NUP98: variants seen among roughly 807,000 people sequenced by gnomAD.
The protein encoded by NUP98 is nuclear pore complex protein Nup98-Nup96.
NUP98 carries 26 observed loss-of-function variants against 191.9 expected under a neutral mutation model. The ratio of observed to expected loss-of-function variants is 0.14; its 90% confidence interval spans 0.10 to 0.19. The LOEUF is 0.19. NUP98 is among the 10% of genes least tolerant of loss of function. The pLI is 1.00. For missense variants in NUP98, 1,941 were observed against 2,178.8 expected (o/e 0.89, Z 2.17); for synonymous variants, 808 against 778.4 (o/e 1.04, Z -0.63).
At chr11:3,773,569 T>A (rs2081604229) in intron 6 of NUP98, 63 bp downstream of exon 6, 2 of 1,062,330 alleles carry the variant, frequency 1.9e-6, no homozygotes, top group African/African-American at 1.6e-5. Context: ...AAACCATTTT[T>A]AAAAGCTGCA....
chr11:3,767,151 C>G (rs546280346), intron 8 of NUP98, among the ~76,000 whole-genome samples: 1 of 151,912 alleles, frequency 6.6e-6, no homozygotes, highest in Non-Finnish European at 1.5e-5. Context: ...TTGGTAGAGA[C>G]GGGGTTTCAC....
intron 31 of NUP98, among the ~76,000 whole-genome samples, chr11:3,678,341 G>C (rs541362424): frequency 6.6e-6 from 1 of 152,280 alleles, no homozygotes; most frequent in Admixed American, 6.5e-5. Flanking sequence ...GCCACAAATT[G>C]AATCTATAAG....
chr11:3,713,649 T>C (rs1325364697), intron 19 of NUP98, among the ~76,000 whole-genome samples, 169 bp downstream of exon 19: 2 of 152,086 alleles, frequency 1.3e-5, no homozygotes, highest in East Asian at 3.9e-4. Flanking sequence ...AGCCCAGGAA[T>C]TTGAGGCTGC....
chr11:3,684,025 T>C (rs926029847), intron 29 of NUP98, among the ~76,000 whole-genome samples: 1 of 148,392 alleles, frequency 6.7e-6, no homozygotes, highest in African/African-American at 2.5e-5. Context: ...CTGGCCAACA[T>C]GGTGAAACCC....
At chr11:3,734,058 G>A (rs1257511961) in intron 13 of NUP98, among the ~76,000 whole-genome samples, 2 of 148,392 alleles carry the variant, frequency 1.3e-5, no homozygotes, top group Non-Finnish European at 3.0e-5. Flanking sequence ...TTTTTGAGAC[G>A]AAGTTTCGCT....
chr11:3,685,924 G>A (rs1480258727), intron 29 of NUP98, 49 bp downstream of exon 29: 2 of 1,406,820 alleles, frequency 1.4e-6, no homozygotes, highest in South Asian at 1.2e-5. Context: ...CTTTGGAATT[G>A]CCCTGTAGTG....
intron 20 of NUP98, among the ~76,000 whole-genome samples, chr11:3,707,754 A>AAAAAAAAAAAAAAAAAAAAAAAAC (rs71041376): frequency 1.4e-5 from 2 of 146,814 alleles, no homozygotes; most frequent in African/African-American, 2.5e-5. Context: ...AAAAAAAAAA[A>AAAAAAAAAAAAAAAAAAAAAAAAC]TCCTGAAGGA....
In NUP98 at chr11:3,706,538, G is replaced by C. The variant is rs1167488875; in HGVS notation, c.2832C>G (p.Thr944=). The change falls in exon 21 of 33, where the codon ACC becomes ACG. Residue 944 remains threonine (T), a synonymous_variant. Coordinates refer to ENST00000324932, the MANE Select transcript of NUP98 (RefSeq NM_016320.5). The part of the protein sequence containing the change: ...VDITQEPVLD[T]MLEESMPEDQ... ...CCTCAGGCATGCTCTCTTCTAACAT[G>C]GTATCCAAAACTGGCTCCTGGGTGA... The C allele has an allele frequency of 2.5e-6, 4 of 1,614,080 alleles. No individual in the cohort carries two copies.
At chr11:3,722,212 A>G (rs1015047370) in intron 16 of NUP98, among the ~76,000 whole-genome samples, 2 of 150,714 alleles carry the variant, frequency 1.3e-5, no homozygotes, top group Non-Finnish European at 2.9e-5. Context: ...TCCTGGGTTC[A>G]AGTGATCCTC....
chr11:3,774,367 G>A (rs889366747), intron 5 of NUP98, among the ~76,000 whole-genome samples: 3 of 152,046 alleles, frequency 2.0e-5, no homozygotes, highest in African/African-American at 4.8e-5. Flanking sequence ...AGCCAAGACC[G>A]TGCCACTGCA....
intron 24 of NUP98, 80 bp downstream of exon 24, chr11:3,700,530 G>A (rs142587399): frequency 2.0e-6 from 2 of 985,142 alleles, no homozygotes; most frequent in Non-Finnish European, 3.0e-6. Flanking sequence ...ACTGGTGCCA[G>A]GAAATTCATC....
At chr11:3,796,876 T>C (rs1237995254) in intron 1 of NUP98, among the ~76,000 whole-genome samples, 3 of 152,292 alleles carry the variant, frequency 2.0e-5, no homozygotes, top group Middle Eastern at 3.4e-3. Flanking sequence ...CGTGGGAAAA[T>C]AGAAAAGAAC....
At chr11:3,728,077 CAT>C (rs1228822975) in intron 14 of NUP98, among the ~76,000 whole-genome samples, 5 of 152,078 alleles carry the variant, frequency 3.3e-5, no homozygotes, top group Non-Finnish European at 5.9e-5. Flanking sequence ...ATTGATGTGA[CAT>C]GTGAGTACAG....
chr11:3,768,651 G>A lies in NUP98; in HGVS notation c.878C>T (p.Thr293Ile), dbSNP rs751071488. The change falls in exon 8 of 33, where the codon ACA becomes ATA. Residue 293 changes from threonine (T) to isoleucine (I), a missense_variant. Transcript: ENST00000324932. ...GGAAAAGCCAGTGTTCTGGGTGGTT[G>A]TAGCCTGGCCAAATGGTTTGCTGAA... ...SLFSKPFGQA[T>I]TTQNTGFSFG... 2 of 1,611,850 alleles carry A rather than the reference G, an allele frequency of 1.2e-6. No homozygotes were observed. The highest frequency in any genetic ancestry group is 8.5e-7 in the Non-Finnish European group (1 of 1,178,732).
chr11:3,712,453 G>A lies in NUP98; in HGVS notation c.2742+111C>T, dbSNP rs557487106. 463 of 1,524,538 alleles carry A rather than the reference G, an allele frequency of 3.0e-4. 5 individuals are homozygous for A. In the South Asian group the frequency reaches 3.9e-3, roughly 13 times the overall value. 94.4% of individuals were successfully genotyped at this position (1,524,538 alleles called of 1,614,324 possible). On this transcript the variant is annotated intron_variant, in intron 20 of 32. Transcript: ENST00000324932. The stretch of plus-strand genomic sequence containing the variant: ...TGTTTCAACGTGATTGCCAATGTTT[G>A]TACTCTTCAAAGTTCCAAGGGTCAT...
At chr11:3,762,390 G>A (rs1393486638) in intron 9 of NUP98, among the ~76,000 whole-genome samples, 1 of 151,766 alleles carries the variant, frequency 6.6e-6, no homozygotes, top group South Asian at 2.1e-4. Flanking sequence ...CCAGAGTGCT[G>A]GGATTACAGG....
chr11:3,712,054 T>C (rs1343918837), intron 20 of NUP98: 3 of 1,049,318 alleles, frequency 2.9e-6, no homozygotes, highest in Non-Finnish European at 2.3e-6. Flanking sequence ...TCCCAAACTA[T>C]TTTTCATAAA....
At chr11:3,739,603 A>G (rs2080203422) in intron 12 of NUP98, among the ~76,000 whole-genome samples, 1 of 152,138 alleles carries the variant, frequency 6.6e-6, no homozygotes, top group African/African-American at 2.4e-5. Flanking sequence ...GAAAACTCGA[A>G]TTCACCTCCG....
chr11:3,787,435 T>C (rs2082180082), intron 1 of NUP98, among the ~76,000 whole-genome samples: 1 of 151,824 alleles, frequency 6.6e-6, no homozygotes, highest in Non-Finnish European at 1.5e-5. Context: ...ATACAAACAT[T>C]AGCCAGAAGC....
Sources: gnomAD v4.1 joint callset for allele counts (sites outside exome capture counted in the v4.1 genomes callset) on GRCh38, gnomAD v4.1.1 for gene constraint, MANE v1.5 for transcripts, NCBI Gene and HGNC (gene_info 2026-07-23, HGNC 2026-07-21) for gene names.